Variants in NCALD observed in about 807,000 individuals in gnomAD.
NCALD encodes the protein neurocalcin delta, also known as neurocalcin-delta.
In NCALD, 10 loss-of-function variants were observed where a neutral mutation model predicts 18.6. The observed-to-expected ratio is 0.54, with a 90% CI of 0.33 to 0.91. NCALD has a LOEUF of 0.91. Among genes scored for constraint, NCALD ranks in the 40% least tolerant of loss-of-function variants. The probability of loss-of-function intolerance (pLI) is 0.03; values close to 1 mark genes in which losing one functional copy is unlikely to be tolerated. For synonymous variants in NCALD, 88 were observed against 87.4 expected (o/e 1.01, Z -0.04); for missense variants, 184 against 247.6 (o/e 0.74, Z 1.72).
intron 4 of NCALD, chr8:101,872,286 C>A: frequency 7.3e-7 from 1 of 1,378,520 alleles, no homozygotes; most frequent in South Asian, 1.2e-5. Context: ...CAAATTTATT[C>A]TTCAGTTTAA....
chr8:102,016,366 G>A lies in NCALD; in HGVS notation c.-157+3871C>T, dbSNP rs78950489. Among the ~76,000 whole-genome samples the A allele has an allele frequency of 1.3e-3, 192 of 152,290 alleles. 1 individual carries two copies. The highest frequency in any genetic ancestry group is 4.2e-3 in the African/African-American group (174 of 41,546). ...CCTACCTAAGACTGAGGCTAGCCCA[G>A]GTGAACTGAGAACTCACCACCACTA... On this transcript the variant is annotated intron_variant, in intron 2 of 6. Transcript: ENST00000311028.
chr8:101,949,790 G>C (rs1193046705), intron 2 of NCALD, among the ~76,000 whole-genome samples: 2 of 151,718 alleles, frequency 1.3e-5, no homozygotes, highest in Admixed American at 1.3e-4. Flanking sequence ...AAAAAAATCA[G>C]GTGATATTAT....
intron 1 of NCALD, among the ~76,000 whole-genome samples, chr8:102,062,348 A>C (rs192319946): frequency 1.1e-4 from 17 of 152,338 alleles, no homozygotes; most frequent in Admixed American, 9.1e-4. Flanking sequence ...CGCCTTTTTG[A>C]AAAAAGGAAA....
chr8:101,741,152 G>A (rs1000674416), intron 1 of NCALD, among the ~76,000 whole-genome samples: 5 of 152,128 alleles, frequency 3.3e-5, no homozygotes, highest in Non-Finnish European at 1.5e-5. Context: ...GGAGGCACCC[G>A]GAATTCTGCA....
intron 1 of NCALD, among the ~76,000 whole-genome samples, chr8:102,088,456 T>C (rs774355775): frequency 6.6e-6 from 1 of 152,102 alleles, no homozygotes; most frequent in Non-Finnish European, 1.5e-5. Flanking sequence ...AAGACTGCTA[T>C]GGTTAAAAGT....
chr8:101,758,053 G>T (rs780515004), intron 1 of NCALD, among the ~76,000 whole-genome samples: 1 of 152,072 alleles, frequency 6.6e-6, no homozygotes, highest in African/African-American at 2.4e-5. Context: ...GCCTCCCAAA[G>T]CACTGGAATT....
chr8:102,018,238 C>T (rs905441011), intron 2 of NCALD, among the ~76,000 whole-genome samples: 1 of 152,164 alleles, frequency 6.6e-6, no homozygotes, highest in Non-Finnish European at 1.5e-5. Context: ...TAATCCCACT[C>T]CTAGTAATTT....
intron 4 of NCALD, among the ~76,000 whole-genome samples, chr8:101,843,875 C>T (rs555907652): frequency 9.2e-5 from 14 of 152,296 alleles, no homozygotes; most frequent in African/African-American, 3.4e-4. Context: ...AGCCACCATG[C>T]CCGGCTGAGG....
chr8:102,065,256 CT>C (rs35518167), intron 1 of NCALD, among the ~76,000 whole-genome samples: 2,092 of 148,982 alleles, frequency 0.014, 23 homozygotes, highest in South Asian at 0.037. Flanking sequence ...AGTGAAGGCT[CT>C]TTTTTTTTTC....
intron 1 of NCALD, among the ~76,000 whole-genome samples, chr8:102,076,403 G>A (rs1437845320): frequency 1.3e-5 from 2 of 152,126 alleles, no homozygotes; most frequent in Admixed American, 6.5e-5. Flanking sequence ...TGCCTGTACC[G>A]GTTATAACAG....
intron 2 of NCALD, among the ~76,000 whole-genome samples, chr8:102,019,643 G>A (rs201542329): frequency 3.9e-5 from 6 of 152,090 alleles, no homozygotes; most frequent in African/African-American, 7.2e-5. Flanking sequence ...AAGGAATATC[G>A]CAGAAAGATT....
intron 2 of NCALD, among the ~76,000 whole-genome samples, chr8:101,971,068 A>C (rs1820222530): frequency 6.6e-6 from 1 of 152,216 alleles, no homozygotes; most frequent in Non-Finnish European, 1.5e-5. Flanking sequence ...TTGATGCAGC[A>C]GATGGCCCTC....
chr8:101,986,085 C>G (rs1820798000), intron 2 of NCALD, among the ~76,000 whole-genome samples: 1 of 152,060 alleles, frequency 6.6e-6, no homozygotes, highest in African/African-American at 2.4e-5. Context: ...GTCGCCCAGG[C>G]AGTGGCGCGA....
chr8:101,792,895 TAA>T (rs1033472065), upstream of NCALD, among the ~76,000 whole-genome samples: 9 of 136,414 alleles, frequency 6.6e-5, no homozygotes, highest in Admixed American at 7.4e-5. Flanking sequence ...TTCTCAGTTC[TAA>T]AAAAAAAAAA....
intron 4 of NCALD, among the ~76,000 whole-genome samples, chr8:101,831,568 T>C (rs1440789437): frequency 6.6e-6 from 1 of 152,182 alleles, no homozygotes; most frequent in African/African-American, 2.4e-5. Context: ...GAAGAAAAAC[T>C]GGGATCATGA....
At chr8:101,819,813 G>T (rs1813648854) in intron 4 of NCALD, among the ~76,000 whole-genome samples, 1 of 152,174 alleles carries the variant, frequency 6.6e-6, no homozygotes, top group African/African-American at 2.4e-5. Context: ...GAAGAGGAAA[G>T]GAGAGAACCC....
chr8:102,006,032 TA>T (rs200782507), intron 2 of NCALD, among the ~76,000 whole-genome samples: 3,529 of 138,430 alleles, frequency 0.025, 66 homozygotes, highest in African/African-American at 0.052. Flanking sequence ...AGTATAATAA[TA>T]AAAAAAAAAA....
chr8:102,000,037 G>A (rs1821390818), intron 2 of NCALD, among the ~76,000 whole-genome samples: 1 of 152,212 alleles, frequency 6.6e-6, no homozygotes, highest in Non-Finnish European at 1.5e-5. Flanking sequence ...GACAGTGGGT[G>A]CAGGACAGTG....
chr8:101,957,288 G>GTTTTTTTTTTTT (rs1563932101), intron 2 of NCALD, among the ~76,000 whole-genome samples: 2 of 128,186 alleles, frequency 1.6e-5, no homozygotes, highest in African/African-American at 6.2e-5. Context: ...GAAAAGTTGG[G>GTTTTTTTTTTTT]GTTTTTTTTT....
Sources: allele counts gnomAD v4.1 joint callset (sites outside exome capture counted in the v4.1 genomes callset), GRCh38; gene constraint gnomAD v4.1.1; transcripts MANE v1.5; gene names NCBI Gene and HGNC (gene_info 2026-07-23, HGNC 2026-07-21).